The following SMARCC1 variants were observed in gnomAD, a reference collection of about 807,000 sequenced individuals.
SMARCC1 encodes the protein SWI/SNF complex subunit SMARCC1.
SMARCC1 carries 43 observed loss-of-function variants against 147.4 expected under a neutral mutation model. The observed-to-expected ratio is 0.29, with a 90% CI of 0.23 to 0.38. The LOEUF is 0.38. Ranked by LOEUF, SMARCC1 falls within the 10% of genes least tolerant of loss-of-function variation. The pLI is 1.00. For missense variants in SMARCC1, 1,119 were observed against 1,381.1 expected (o/e 0.81, Z 3.01); for synonymous variants, 495 against 484.4 (o/e 1.02, Z -0.29).
At chr3:47,758,244 T>TAA (rs531926405) in intron 2 of SMARCC1, among the ~76,000 whole-genome samples, 65 of 152,084 alleles carry the variant, frequency 4.3e-4, no homozygotes, top group Middle Eastern at 3.4e-3. Flanking sequence ...CTCAACCTCC[T>TAA]AAGTAGCTCC....
rs1413613890 is a variant in SMARCC1 at position 47,671,184 on chromosome 3, A to ACAAACAAAC, written c.1840-468_1840-467insGTTTGTTTG. ...GAGCGAGACTATCTCAAAAAAAAAAAAAAAAAAAAAAAAACACACACAAAA... is the reference window on the plus strand; with the variant it reads ...GAGCGAGACTATCTCAAAAAAAAAAACAAACAAACAAAAAAAAAAAAAACACACACAAAA... On this transcript the variant is annotated intron_variant, in intron 18 of 27. Transcript: ENST00000254480. Among the ~76,000 whole-genome samples the ACAAACAAAC allele has an allele frequency of 5.1e-3, 747 of 145,210 alleles. 29 individuals carry two copies. Among genetic ancestry groups the ACAAACAAAC allele is most frequent in the African/African-American group, 0.018 (697 of 38,862 alleles).
intron 2 of SMARCC1, among the ~76,000 whole-genome samples, chr3:47,751,268 C>A (rs143035712): frequency 6.6e-6 from 1 of 151,958 alleles, no homozygotes; most frequent in Admixed American, 6.6e-5. Flanking sequence ...GATGGCCAGG[C>A]GTGGTGGTTC....
chr3:47,628,289 G>T (rs951932944), intron 24 of SMARCC1, among the ~76,000 whole-genome samples: 10 of 152,110 alleles, frequency 6.6e-5, no homozygotes, highest in African/African-American at 2.4e-4. Context: ...TCACTGTGCT[G>T]AAAGATTTGT....
intron 10 of SMARCC1, among the ~76,000 whole-genome samples, chr3:47,705,360 G>C (rs536736881): frequency 6.8e-6 from 1 of 146,562 alleles, no homozygotes; most frequent in East Asian, 2.0e-4. Flanking sequence ...ATAAAAAATA[G>C]TTACCCCATA....
intron 5 of SMARCC1, among the ~76,000 whole-genome samples, chr3:47,729,578 G>T (rs11130147): frequency 6.6e-6 from 1 of 151,864 alleles, no homozygotes; most frequent in African/African-American, 2.4e-5. Flanking sequence ...TAGAGATGGG[G>T]TTTCACCATG....
In SMARCC1 at chr3:47,659,760, A is replaced by AAG. The variant is rs373959195; in HGVS notation, c.2320+1533_2320+1534insCT. On this transcript the variant is annotated intron_variant, in intron 21 of 27. Transcript: ENST00000254480. ...CATAAAGTCTACTAAGAAAAAAAAA[A>AAG]GGGGGGGGGGGCAAGAATCTGAGTA... is the stretch of plus-strand genomic sequence containing the variant. Among the ~76,000 whole-genome samples, 162 of 47,784 alleles carry AAG rather than the reference A, an allele frequency of 3.4e-3. 18 individuals are homozygous for AAG. Among genetic ancestry groups the AAG allele is most frequent in the African/African-American group, 0.01 (110 of 11,000 alleles). 31.3% of individuals were successfully genotyped at this position (47,784 alleles called of 152,430 possible).
In SMARCC1 at chr3:47,610,341, A is replaced by G. The variant is rs765802579; in HGVS notation, c.2782-14T>C. ...CTGTTGTTCTAGCTGTAAGCAAAGG[A>G]AGTGGAAGAGAAATGACACCAGAAG... On this transcript the variant is annotated splice_polypyrimidine_tract_variant and intron_variant, in intron 25 of 27. Coordinates refer to ENST00000254480, the MANE Select transcript of SMARCC1 (RefSeq NM_003074.4). 26 of 1,613,974 alleles carry G rather than the reference A, an allele frequency of 1.6e-5. No individual in the cohort carries two copies. The highest frequency in any genetic ancestry group is 1.9e-5 in the Non-Finnish European group (22 of 1,179,832).
At chr3:47,708,105 T>C (rs1158659942) in intron 9 of SMARCC1, among the ~76,000 whole-genome samples, 4 of 122,042 alleles carry the variant, frequency 3.3e-5, no homozygotes, top group East Asian at 2.4e-4. Context: ...TTTTTTTTTT[T>C]TTTTTTTTTT....
intron 21 of SMARCC1, among the ~76,000 whole-genome samples, chr3:47,640,079 T>A (rs2033028957): frequency 6.6e-6 from 1 of 152,092 alleles, no homozygotes; most frequent in Non-Finnish European, 1.5e-5. Flanking sequence ...AAAATAAACT[T>A]CTCTATGCAT....
chr3:47,618,970 T>C (rs2032688099), intron 25 of SMARCC1, among the ~76,000 whole-genome samples: 2 of 152,158 alleles, frequency 1.3e-5, no homozygotes, highest in South Asian at 4.1e-4. Context: ...ATCCCGCATA[T>C]GCCAACAATC....
intron 25 of SMARCC1, among the ~76,000 whole-genome samples, chr3:47,618,512 C>CA (rs2032679522): frequency 6.6e-6 from 1 of 151,850 alleles, no homozygotes; most frequent in African/African-American, 2.4e-5. Flanking sequence ...TGCACCACTG[C>CA]ACTCCAGCCT....
At chr3:47,596,035 GTTTT>G (rs80043402) in intron 26 of SMARCC1, among the ~76,000 whole-genome samples, 7 of 144,360 alleles carry the variant, frequency 4.8e-5, no homozygotes, top group Middle Eastern at 3.5e-3. Flanking sequence ...ACCCGGCCAG[GTTTT>G]TTTTTTTTCT....
chr3:47,597,750 T>C (rs1232222410), intron 26 of SMARCC1, among the ~76,000 whole-genome samples: 2 of 152,216 alleles, frequency 1.3e-5, no homozygotes. Flanking sequence ...GTGTGAGCTA[T>C]TGTGCCCAGC....
chr3:47,638,677 T>A, intron 22 of SMARCC1, 48 bp downstream of exon 22: 2 of 1,389,604 alleles, frequency 1.4e-6, no homozygotes, highest in Non-Finnish European at 2.1e-6. Context: ...CAAACCATTA[T>A]GGTCTGAAAG....
At chr3:47,619,681 T>G (rs938107898) in intron 25 of SMARCC1, among the ~76,000 whole-genome samples, 4 of 152,138 alleles carry the variant, frequency 2.6e-5, no homozygotes, top group African/African-American at 9.7e-5. Flanking sequence ...ATCAATGGTG[T>G]GAGAGATGCT....
chr3:47,750,181 A>G (rs2034613826), intron 2 of SMARCC1, among the ~76,000 whole-genome samples: 1 of 152,100 alleles, frequency 6.6e-6, no homozygotes, highest in East Asian at 1.9e-4. Flanking sequence ...CACGCCAATA[A>G]TCCTAACACT....
At chr3:47,593,770 C>T (rs958744547) in intron 26 of SMARCC1, among the ~76,000 whole-genome samples, 1 of 152,268 alleles carries the variant, frequency 6.6e-6, no homozygotes, top group East Asian at 1.9e-4. Flanking sequence ...TCAAACCACA[C>T]CCTGCCTATC....
intron 11 of SMARCC1, among the ~76,000 whole-genome samples, chr3:47,698,481 T>C (rs1269176642): frequency 6.6e-6 from 1 of 151,660 alleles, no homozygotes; most frequent in Non-Finnish European, 1.5e-5. Context: ...TCCTAAGAAA[T>C]CTACAAAAAA....
chr3:47,614,531 C>T (rs2032610288), intron 25 of SMARCC1, among the ~76,000 whole-genome samples: 1 of 152,180 alleles, frequency 6.6e-6, no homozygotes, highest in Admixed American at 6.5e-5. Context: ...GTTCTTTCTT[C>T]CTCAGTTTGT....
Sources: allele counts gnomAD v4.1 joint callset (sites outside exome capture counted in the v4.1 genomes callset), GRCh38; gene constraint gnomAD v4.1.1; transcripts MANE v1.5; gene names NCBI Gene and HGNC (gene_info 2026-07-23, HGNC 2026-07-21).